PLD5: variants seen among roughly 807,000 people sequenced by gnomAD.
PLD5 encodes the protein inactive phospholipase D5.
PLD5 carries 36 observed loss-of-function variants against 61.1 expected under a neutral mutation model. The ratio of observed to expected loss-of-function variants is 0.59; its 90% CI spans 0.45 to 0.78. The LOEUF is 0.78. Ranked by LOEUF, PLD5 falls within the 30% of genes least tolerant of loss-of-function variation. The probability of loss-of-function intolerance (pLI) is 0.00; values close to 1 mark genes in which losing one functional copy is unlikely to be tolerated. For missense variants in PLD5, 515 were observed against 644.4 expected (o/e 0.80, Z 2.17); for synonymous variants, 243 against 242.8 (o/e 1.00, Z -0.01).
At chr1:242,522,224 T>A (rs74929098) in intron 1 of PLD5, among the ~76,000 whole-genome samples, 2,310 of 152,272 alleles carry the variant, frequency 0.015, 65 homozygotes, top group African/African-American at 0.053. Context: ...ATGATTTTTT[T>A]AAAAATGTAT....
intron 1 of PLD5, among the ~76,000 whole-genome samples, chr1:242,412,495 C>T (rs1193080442): frequency 2.0e-5 from 3 of 152,182 alleles, no homozygotes; most frequent in African/African-American, 2.4e-5. Flanking sequence ...GGTTGATTCA[C>T]GTATTCACCA....
In PLD5 at chr1:242,125,366, C is replaced by A. The variant is rs142462082; in HGVS notation, c.736-701G>T. 1.2e-3 allele frequency among the ~76,000 whole-genome samples: 184 copies of A among 152,206 alleles called. 1 individual carries two copies. The highest frequency in any genetic ancestry group is 4.2e-3 in the African/African-American group (173 of 41,540). ...ACCACAGAGATCATTTTGTCCACCT[C>A]TCTCAAGGCATGGATGAGGAAAGTA... On this transcript the variant is annotated intron_variant, in intron 5 of 9. Transcript: ENST00000536534.
chr1:242,504,083 T>A (rs1255225082), intron 1 of PLD5, among the ~76,000 whole-genome samples: 1 of 152,196 alleles, frequency 6.6e-6, no homozygotes, highest in Non-Finnish European at 1.5e-5. Flanking sequence ...ACAAAACACA[T>A]GCCTGTCATT....
At chr1:242,331,508 A>AT (rs1659168695) in intron 2 of PLD5, among the ~76,000 whole-genome samples, 1 of 140,132 alleles carries the variant, frequency 7.1e-6, no homozygotes, top group African/African-American at 2.6e-5. Context: ...CCAAAAAATA[A>AT]TTGCCCTCTG....
intron 2 of PLD5, among the ~76,000 whole-genome samples, chr1:242,343,393 G>A (rs12122297): frequency 0.88 from 133,762 of 152,188 alleles, 59,281 homozygotes; most frequent in Non-Finnish European, 0.94. Context: ...TAGAGTTAGC[G>A]CCACTTTCAG....
chr1:242,113,630 G>A (rs1443180532), intron 7 of PLD5, among the ~76,000 whole-genome samples: 3 of 151,872 alleles, frequency 2.0e-5, no homozygotes, highest in African/African-American at 7.3e-5. Flanking sequence ...ATTTTCTTTT[G>A]AAAGTTACTC....
At chr1:242,098,471 T>A (rs1230056946) in intron 9 of PLD5, among the ~76,000 whole-genome samples, 1 of 152,178 alleles carries the variant, frequency 6.6e-6, no homozygotes, top group Non-Finnish European at 1.5e-5. Flanking sequence ...TAATCTTTTT[T>A]CAAGGTTTTT....
At position 242,500,947 on chromosome 1, in the gene PLD5, T is replaced by C. The variant is rs143594970; in HGVS notation, c.189+23141A>G. Among the ~76,000 whole-genome samples, 90 of 152,320 alleles carry C rather than the reference T, an allele frequency of 5.9e-4. 1 individual carries two copies. Among genetic ancestry groups the C allele is most frequent in the African/African-American group, 2.1e-3 (88 of 41,566 alleles). On this transcript the variant is annotated intron_variant, in intron 1 of 9. Transcript: ENST00000536534. Reference sequence around the variant, plus strand: ...CTAGAAGCCATATCCACATACCACCTAGAGTAGTATCATTTAACGTTTTTC... The same window carrying C: ...CTAGAAGCCATATCCACATACCACCCAGAGTAGTATCATTTAACGTTTTTC...
At chr1:242,398,903 TAA>T (rs1430570558) in intron 1 of PLD5, among the ~76,000 whole-genome samples, 2 of 152,160 alleles carry the variant, frequency 1.3e-5, no homozygotes, top group Admixed American at 6.5e-5. Context: ...GATATAATTT[TAA>T]GGATTGAAGT....
intron 1 of PLD5, among the ~76,000 whole-genome samples, chr1:242,475,550 C>T (rs1667571922): frequency 6.6e-6 from 1 of 152,120 alleles, no homozygotes; most frequent in Non-Finnish European, 1.5e-5. Flanking sequence ...CTAAGATATC[C>T]CGCCCAAAAC....
intron 5 of PLD5, among the ~76,000 whole-genome samples, chr1:242,149,615 T>C (rs191764152): frequency 6.6e-6 from 1 of 151,642 alleles, no homozygotes; most frequent in African/African-American, 2.4e-5. Flanking sequence ...TATTTTTTAA[T>C]AGGAAGTATT....
At chr1:242,169,045 C>T (rs1450142779) in intron 5 of PLD5, among the ~76,000 whole-genome samples, 1 of 151,908 alleles carries the variant, frequency 6.6e-6, no homozygotes, top group Admixed American at 6.6e-5. Context: ...CCCCCATAAA[C>T]AATGTATATT....
intron 5 of PLD5, among the ~76,000 whole-genome samples, chr1:242,184,557 C>G (rs1004929138): frequency 1.3e-5 from 2 of 152,094 alleles, no homozygotes; most frequent in African/African-American, 4.8e-5. Context: ...TTAGTAGAGA[C>G]TGGGTTTTGC....
At chr1:242,235,317 C>A (rs1671566519) in intron 4 of PLD5, 1 of 152,176 alleles carries the variant, frequency 6.6e-6, no homozygotes, top group African/African-American at 2.4e-5. Context: ...AGAAATAACA[C>A]AATTCATTTA....
chr1:242,102,263 CTTGAG>C (rs1480555864), intron 8 of PLD5, among the ~76,000 whole-genome samples: 3 of 152,286 alleles, frequency 2.0e-5, no homozygotes, highest in African/African-American at 4.8e-5. Context: ...AAATATACAT[CTTGAG>C]TTAAGTCAAG....
At position 242,110,385 on chromosome 1, in the gene PLD5, C is replaced by T. The variant is rs532825610; in HGVS notation, c.1071-2546G>A. On this transcript the variant is annotated intron_variant, in intron 7 of 9. Transcript: ENST00000536534. ...GTACATTCAAGTGATTCTCCTGCCT[C>T]AGCCTCAGGTGCATTCATTGTACCA... Among the ~76,000 whole-genome samples the T allele has an allele frequency of 3.9e-5, 6 of 152,228 alleles. No individual in the cohort carries two copies. The South Asian group carries it at 1.0e-3, about 26-fold the overall frequency.
chr1:242,435,333 G>C (rs980090203), intron 1 of PLD5, among the ~76,000 whole-genome samples: 14 of 149,208 alleles, frequency 9.4e-5, no homozygotes, highest in Non-Finnish European at 1.8e-4. Flanking sequence ...CTGCTCTCTC[G>C]TTTCAGCTTG....
intron 1 of PLD5, among the ~76,000 whole-genome samples, chr1:242,481,403 G>C (rs559509504): frequency 6.6e-6 from 1 of 152,342 alleles, no homozygotes; most frequent in South Asian, 2.1e-4. Flanking sequence ...CGGCACACCA[G>C]GAGATTGTAT....
At chr1:242,404,799 C>T (rs1232564714) in intron 1 of PLD5, among the ~76,000 whole-genome samples, 11 of 151,360 alleles carry the variant, frequency 7.3e-5, no homozygotes, top group Admixed American at 7.3e-4. Context: ...TGACTCCCAC[C>T]CTTCTTCCAT....
Sources: allele counts gnomAD v4.1 joint callset (sites outside exome capture counted in the v4.1 genomes callset), GRCh38; gene constraint gnomAD v4.1.1; transcripts MANE v1.5; gene names NCBI Gene and HGNC (gene_info 2026-07-23, HGNC 2026-07-21).